Variants in SIGLEC12 observed in about 807,000 individuals in gnomAD.
The protein encoded by SIGLEC12 is sialic acid-binding Ig-like lectin 12.
SIGLEC12 carries 43 observed loss-of-function variants against 54.1 expected under a neutral mutation model. The observed-to-expected ratio is 0.80, with a 90% CI of 0.62 to 1.03. The LOEUF is 1.03. Ranked by LOEUF, SIGLEC12 falls within the 50% of genes least tolerant of loss-of-function variation. The pLI is 0.00. For missense variants in SIGLEC12, 802 were observed against 735.2 expected, an observed-to-expected ratio of 1.09 and a Z score of -1.05; for synonymous variants, 357 against 307.6, an observed-to-expected ratio of 1.16 and a Z score of -1.68.
Position 51,499,967 on chromosome 19 carries a change from C to T in SIGLEC12, c.761G>A (p.Ser254Asn), listed in dbSNP as rs1258532816. The T allele has an allele frequency of 6.2e-7, 1 of 1,614,028 alleles. No homozygotes were observed. ...GKYYFQVERG[S>N]RKWNYIYDKL... ...GTCATATATGTAGTTCCATTTCCTG[C>T]TTCCTCTCTCCACCTGGAAGTAGTA... The change falls in exon 2 of 8, where the codon AGC (serine) becomes AAC (asparagine). Residue 254 changes from serine (S) to asparagine (N), a missense_variant. Coordinates refer to ENST00000291707, the MANE Select transcript of SIGLEC12 (RefSeq NM_053003.4).
At chr19:51,499,057 G>T (rs936353375) in intron 4 of SIGLEC12, 113 bp downstream of exon 4, 31 of 1,076,204 alleles carry the variant, frequency 2.9e-5, no homozygotes, top group Admixed American at 9.2e-5. Context: ...GCTGAGGGAG[G>T]GGGGGGCCGG....
intron 1 of SIGLEC12, 61 bp from the exon 2 acceptor site, chr19:51,500,361 G>A: frequency 6.2e-7 from 1 of 1,613,596 alleles, no homozygotes; most frequent in Non-Finnish European, 8.5e-7. Flanking sequence ...GCCCATAGCA[G>A]GGGCAGCAGC....
chr19:51,499,214 G>A lies in SIGLEC12; in HGVS notation c.1091C>T (p.Pro364Leu). The A allele has an allele frequency of 1.2e-6, 2 of 1,614,052 alleles. No individual in the cohort carries two copies. Among genetic ancestry groups the A allele is most frequent in the South Asian group, 2.2e-5 (2 of 91,084 alleles). The change falls in exon 4 of 8, where the codon CCT (proline) becomes CTT (leucine). Residue 364 changes from proline (P) to leucine (L), a missense_variant. Physicochemically the swap from Pro to Leu is moderately conservative, Grantham distance 98 (BLOSUM62 -3). Coordinates refer to ENST00000291707, the MANE Select transcript of SIGLEC12 (RefSeq NM_053003.4). ...GACAGTCATGGTCAAGTTCTGAGGAGGATCTGGAACAGAAAGACACGGAGT... is the reference window on the plus strand; with the variant it reads ...GACAGTCATGGTCAAGTTCTGAGGAAGATCTGGAACAGAAAGACACGGAGT... ...TRAVRLNISY[P>L]PQNLTMTVFQ...
intron 6 of SIGLEC12, 148 bp downstream of exon 6, chr19:51,497,201 C>G: frequency 2.3e-6 from 2 of 885,736 alleles, no homozygotes; most frequent in Non-Finnish European, 3.5e-6. Context: ...CAGGGGCGCT[C>G]ATGAAATTCT....
Position 51,491,541 on chromosome 19 carries a change from T to A in SIGLEC12, c.*100A>T. 1 of 1,160,594 alleles carries A rather than the reference T, an allele frequency of 8.6e-7. No individual in the cohort carries two copies. Among genetic ancestry groups the A allele is most frequent in the Non-Finnish European group, 1.3e-6 (1 of 791,538 alleles). The allele number at this position is 1,160,594 out of a possible 1,614,324, so 71.9% of individuals were successfully genotyped here. The stretch of plus-strand genomic sequence containing the variant: ...AGAGGAATAAGTTCTGATGTCCTGT[T>A]GCACAGCATGGAGGGCTGTTAATTC... On this transcript the variant is annotated 3_prime_UTR_variant, in exon 8 of 8. Transcript: ENST00000291707.
chr19:51,498,419 G>T, intron 4 of SIGLEC12, 132 bp from the exon 5 acceptor site: 1 of 722,418 alleles, frequency 1.4e-6, no homozygotes, highest in Non-Finnish European at 2.2e-6. Context: ...CACGTTCACT[G>T]CTCACTGTTG....
intron 5 of SIGLEC12, 28 bp downstream of exon 5, chr19:51,497,990 C>T: frequency 1.2e-6 from 2 of 1,612,336 alleles, no homozygotes; most frequent in Non-Finnish European, 1.7e-6. Context: ...CATGTGTGTT[C>T]TCCTCCTCCA....
At position 51,501,636 on chromosome 19, in the gene SIGLEC12, G is replaced by A. The variant is rs141817270; in HGVS notation, c.98C>T (p.Thr33Met). 29 of 1,614,176 alleles carry A rather than the reference G, an allele frequency of 1.8e-5. No individual in the cohort carries two copies. Among genetic ancestry groups the A allele is most frequent in the East Asian group, 2.2e-5 (1 of 44,894 alleles). Residue 33 changes from threonine (T) to methionine (M), a missense_variant, in exon 1 of 8, where the codon ACG becomes ATG. By Grantham distance (81) the Thr-to-Met change is moderately conservative. Transcript: ENST00000291707. ...AGAGACACACAGGCCCTCCTGCACC[G>A]TCACGGACTTCTGCATTGTCAGCAG... Reference protein sequence around the residue: ...DYLLTMQKSVTVQEGLCVSVL... With the variant: ...DYLLTMQKSVMVQEGLCVSVL...
intron 6 of SIGLEC12, 108 bp downstream of exon 6, chr19:51,497,241 C>G: frequency 9.4e-7 from 1 of 1,067,072 alleles, no homozygotes; most frequent in African/African-American, 1.6e-5. Context: ...CATTCTGGCC[C>G]TTGCTTCAAG....
At chr19:51,499,867 C>T (rs1990345379) in intron 2 of SIGLEC12, 53 bp downstream of exon 2, 3 of 1,565,562 alleles carry the variant, frequency 1.9e-6, no homozygotes, top group Non-Finnish European at 2.6e-6. Context: ...CTCAGCCCTA[C>T]CCTGCGGCCC....
chr19:51,499,261 G>T, intron 3 of SIGLEC12, 44 bp from the exon 4 acceptor site: 1 of 1,608,116 alleles, frequency 6.2e-7, no homozygotes, highest in Non-Finnish European at 8.5e-7. Flanking sequence ...TGAGGACTGG[G>T]GACACTGACC....
chr19:51,498,231 G>T lies in SIGLEC12; in HGVS notation c.1192C>A (p.His398Asn). Residue 398 changes from histidine to asparagine, a missense_variant, in exon 5 of 8, where the codon CAC (histidine) becomes AAC (asparagine). His to Asn is a moderately conservative substitution (Grantham distance 68). Coordinates refer to ENST00000291707, the MANE Select transcript of SIGLEC12 (RefSeq NM_053003.4). ...TTGCTGTCGACAGCACAGACAAGGT[G>T]CAGGGACTGGCCCTCCAGGACTGAA... ...ALSVLEGQSL[H>N]LVCAVDSNPP... 3 of 1,613,858 alleles carry T rather than the reference G, an allele frequency of 1.9e-6. No individual in the cohort carries two copies. The African/African-American group carries it at 4.0e-5, about 22-fold the overall frequency.
intron 7 of SIGLEC12, among the ~76,000 whole-genome samples, chr19:51,496,546 C>G (rs574658925): frequency 3.0e-4 from 46 of 152,286 alleles, no homozygotes; most frequent in Non-Finnish European, 6.2e-4. Context: ...AGTGACAGTG[C>G]TCTGCTGAGC....
In SIGLEC12 at chr19:51,496,889, T is replaced by G; in HGVS notation, c.1590A>C (p.Ser530=). The part of the protein sequence containing the change: ...GMEDANAVRG[S]ASQGPLIESP... ...TTCAATGCTCACTCACCTGAGAGGC[T>G]GAGCCCCTGACAGCGTTTGCGTCCT... is the stretch of plus-strand genomic sequence containing the variant. Residue 530 remains serine (S), a synonymous_variant, in exon 7 of 8, where the codon TCA becomes TCC. Transcript: ENST00000291707. The G allele has an allele frequency of 1.9e-6, 3 of 1,613,966 alleles. No individual in the cohort carries two copies. The highest frequency in any genetic ancestry group is 2.5e-6 in the Non-Finnish European group (3 of 1,179,860).
rs756325291 is a variant in SIGLEC12 at position 51,491,773 on chromosome 19, G to A, written c.1656C>T (p.Ala552=). The A allele has an allele frequency of 1.9e-6, 3 of 1,608,946 alleles. No individual in the cohort carries two copies. In the Admixed American group the frequency reaches 5.0e-5, roughly 27 times the overall value. ...CTTCCTCTGGGGAGGGGGTGGCCAG[G>A]GCTGGCGGAGCATGGTGTGGGGGGC... ...DDSPPHHAPP[A]LATPSPEEGE... is the part of the protein sequence containing the mutation. Residue 552 remains alanine (A), a synonymous_variant, in exon 8 of 8, where the codon GCC becomes GCT. Coordinates refer to ENST00000291707, the MANE Select transcript of SIGLEC12 (RefSeq NM_053003.4).
chr19:51,500,224 A>C lies in SIGLEC12; in HGVS notation c.504T>G (p.Ser168=). Residue 168 remains serine (S), a synonymous_variant, in exon 2 of 8, where the codon TCT becomes TCG. Coordinates refer to ENST00000291707, the MANE Select transcript of SIGLEC12 (RefSeq NM_053003.4). ...GGGGGTAAAGGACACTGCAGGGCAC[A>C]GAGACACACAGACCCTCCTGCACAG... ...SVTVQEGLCV[S]VPCSVLYPHY... The C allele has an allele frequency of 6.2e-7, 1 of 1,614,194 alleles. No homozygotes were observed. Among genetic ancestry groups the C allele is most frequent in the African/African-American group, 1.3e-5 (1 of 75,044 alleles).
Position 51,498,074 on chromosome 19 carries a change from T to G in SIGLEC12, c.1349A>C (p.Asn450Thr). ...GGAAATGTGCTGGGAGCCTAGAGGGTTCTGAGCTCGGCAGGTGAATTCCCC... is the reference window on the plus strand; with the variant it reads ...GGAAATGTGCTGGGAGCCTAGAGGGGTCTGAGCTCGGCAGGTGAATTCCCC... ...DEGEFTCRAQ[N>T]PLGSQHISLS... is the part of the protein sequence containing the mutation. Residue 450 changes from asparagine to threonine, a missense_variant, in exon 5 of 8, where the codon AAC (asparagine) becomes ACC (threonine). Transcript: ENST00000291707. The G allele has an allele frequency of 6.2e-7, 1 of 1,614,136 alleles. No homozygotes were observed. Among genetic ancestry groups the G allele is most frequent in the Non-Finnish European group, 8.5e-7 (1 of 1,180,030 alleles).
In SIGLEC12 at chr19:51,501,486, C is replaced by A. The variant is rs140675869; in HGVS notation, c.248G>T (p.Arg83Leu). The part of the protein sequence containing the change: ...NIPVATNNPA[R>L]AVQEETRDRF... The stretch of plus-strand genomic sequence containing the variant: ...GTCCCGAGTCTCCTCCTGCACTGCT[C>A]GAGCTGGGTTGTTTGTGGCCACTGG... The change falls in exon 1 of 8, where the codon CGA becomes CTA. Residue 83 changes from arginine (R) to leucine (L), a missense_variant. Arg to Leu is a moderately radical substitution (Grantham distance 102). Coordinates refer to ENST00000291707, the MANE Select transcript of SIGLEC12 (RefSeq NM_053003.4). 1 of 1,613,898 alleles carries A rather than the reference C, an allele frequency of 6.2e-7. No individual in the cohort carries two copies. Among genetic ancestry groups the A allele is most frequent in the South Asian group, 1.1e-5 (1 of 91,062 alleles).
rs1568528899 is a variant in SIGLEC12, at chr19:51,495,317, AT to A, written c.1599+1562del. 2.4e-3 allele frequency among the ~76,000 whole-genome samples: 156 copies of A among 64,948 alleles called. 7 individuals are homozygous for A. Among genetic ancestry groups the A allele is most frequent in the African/African-American group, 8.8e-3 (152 of 17,326 alleles). The allele number at this position is 64,948 out of a possible 152,430, so 42.6% of individuals were successfully genotyped here. On this transcript the variant is annotated intron_variant, in intron 7 of 7. Coordinates refer to ENST00000291707, the MANE Select transcript of SIGLEC12 (RefSeq NM_053003.4). ...GATGGACGGACGGACGGGTGGGTGG[AT>A]GGATGGATGGATGGATGGATGGATG...
Sources: gnomAD v4.1 joint callset for allele counts (sites outside exome capture counted in the v4.1 genomes callset) on GRCh38, gnomAD v4.1.1 for gene constraint, MANE v1.5 for transcripts, NCBI Gene and HGNC (gene_info 2026-07-23, HGNC 2026-07-21) for gene names.